The following GRIN2D variants were observed in gnomAD, a reference collection of about 807,000 sequenced individuals.
The protein encoded by GRIN2D is glutamate ionotropic receptor NMDA type subunit 2D.
In GRIN2D, 37 loss-of-function variants were observed where a neutral mutation model predicts 103.2. The ratio of observed to expected loss-of-function variants is 0.36; its 90% CI spans 0.28 to 0.47. The LOEUF (loss-of-function observed/expected upper bound fraction) is 0.47. Among genes scored for constraint, GRIN2D ranks in the 20% least tolerant of loss-of-function variants. The pLI, the probability that GRIN2D is intolerant of heterozygous loss-of-function variation, is 1.00. For synonymous variants in GRIN2D, 845 were observed against 885.6 expected, an observed-to-expected ratio of 0.95 and a Z score of 0.81; for missense variants, 1,557 against 1,910.6, an observed-to-expected ratio of 0.81 and a Z score of 3.45.
intron 4 of GRIN2D, among the ~76,000 whole-genome samples, chr19:48,412,955 G>A (rs1204647479): frequency 4.0e-4 from 57 of 142,818 alleles, no homozygotes; most frequent in Middle Eastern, 8.2e-3. Flanking sequence ...GGCCAACATG[G>A]TGAAACCCCA....
chr19:48,399,135 AT>A (rs1209204691), intron 3 of GRIN2D, among the ~76,000 whole-genome samples: 5 of 152,104 alleles, frequency 3.3e-5, no homozygotes, highest in African/African-American at 1.2e-4. Context: ...ACGTGGGCCC[AT>A]TCATTGCAGG....
intron 8 of GRIN2D, 91 bp downstream of exon 8, chr19:48,416,246 C>T (rs1970947896): frequency 2.7e-6 from 3 of 1,119,724 alleles, no homozygotes; most frequent in East Asian, 4.9e-5. Flanking sequence ...CCTGGGTTCC[C>T]GGTATCATCG....
At chr19:48,412,101 C>T (rs191050708) in intron 4 of GRIN2D, among the ~76,000 whole-genome samples, 52 of 151,410 alleles carry the variant, frequency 3.4e-4, no homozygotes, top group African/African-American at 1.2e-3. Context: ...CCGAGGCAGG[C>T]GGATCACAAG....
At chr19:48,397,275 CA>C (rs1230028589) in intron 2 of GRIN2D, among the ~76,000 whole-genome samples, 1 of 152,040 alleles carries the variant, frequency 6.6e-6, no homozygotes, top group East Asian at 1.9e-4. Context: ...TGGGGTGCCC[CA>C]CTAATTTCTC....
intron 11 of GRIN2D, among the ~76,000 whole-genome samples, chr19:48,423,495 G>T (rs1158051255): frequency 6.6e-6 from 1 of 152,158 alleles, no homozygotes; most frequent in East Asian, 1.9e-4. Context: ...TCACCAGGGT[G>T]TTCAGGGTGG....
intron 11 of GRIN2D, among the ~76,000 whole-genome samples, chr19:48,440,358 CAAGGCGGG>C (rs919621195): frequency 5.1e-4 from 78 of 152,182 alleles, no homozygotes; most frequent in African/African-American, 1.9e-3. Flanking sequence ...TTTGGGTGGC[CAAGGCGGG>C]AAGATCACTT....
At position 48,414,042 on chromosome 19, in the gene GRIN2D, C is replaced by G; in HGVS notation, c.1137C>G (p.Asp379Glu). The change falls in exon 5 of 14, where the codon GAC becomes GAG. Residue 379 changes from aspartate (D) to glutamate (E), a missense_variant. Asp to Glu is a conservative substitution (Grantham distance 45). Coordinates refer to ENST00000263269, the MANE Select transcript of GRIN2D (RefSeq NM_000836.4). The surrounding 1 kb of genome is among the most constrained non-coding windows in gnomAD (Gnocchi z 4.6). ...WDNRDYSFNE[D>E]GFLVNPSLVV... ...ACCGGGATTACTCCTTCAATGAGGACGGCTTCCTAGTGAACCCCTCCCTGG... is the reference window on the plus strand; with the variant it reads ...ACCGGGATTACTCCTTCAATGAGGAGGGCTTCCTAGTGAACCCCTCCCTGG... 1 of 1,613,156 alleles carries G rather than the reference C, an allele frequency of 6.2e-7. No homozygotes were observed.
In GRIN2D at chr19:48,430,809, TTTTTC is replaced by T. The variant is rs374485561; in HGVS notation, c.2252+8869_2252+8873del. Among the ~76,000 whole-genome samples the T allele has an allele frequency of 7.3e-3, 1,038 of 142,182 alleles. 12 individuals are homozygous for T. The highest frequency in any genetic ancestry group is 0.03 in the African/African-American group (980 of 33,064). The allele number at this position is 142,182 out of a possible 152,430, so 93.3% of individuals were successfully genotyped here. On this transcript the variant is annotated intron_variant, in intron 11 of 13. Coordinates refer to ENST00000263269, the MANE Select transcript of GRIN2D (RefSeq NM_000836.4). ...AGTATCAGATACTCTGTTAATTTCT[TTTTTC>T]TTTTTTCTTTTTTTTTTTTTTTTGA... is the stretch of plus-strand genomic sequence containing the variant.
intron 10 of GRIN2D, among the ~76,000 whole-genome samples, chr19:48,420,224 C>A (rs555372880): frequency 6.6e-6 from 1 of 151,328 alleles, no homozygotes; most frequent in African/African-American, 2.4e-5. Context: ...GTCAGGAGAT[C>A]GAGACCATCC....
At position 48,443,841 on chromosome 19, in the gene GRIN2D, G is replaced by A. The variant is rs913036962; in HGVS notation, c.3915G>A (p.Pro1305=). The change falls in exon 14 of 14, where the codon CCG becomes CCA. Residue 1305 remains proline (P), a synonymous_variant. Transcript: ENST00000263269. This position sits in a 1 kb window ranked among gnomAD's most constrained non-coding sequence, Gnocchi z 8.9. ...RRCPHAAHWG[P]PLPTASHRRH... is the part of the protein sequence containing the mutation. The stretch of plus-strand genomic sequence containing the variant: ...GTCCGCACGCCGCGCACTGGGGGCC[G>A]CCGCTGCCCACAGCTTCCCACCGGA... 6 of 1,483,578 alleles carry A rather than the reference G, an allele frequency of 4.0e-6. No homozygotes were observed. In the Admixed American group the frequency reaches 1.1e-4, roughly 28 times the overall value. The allele number at this position is 1,483,578 out of a possible 1,614,324, so 91.9% of individuals were successfully genotyped here.
chr19:48,412,499 C>T (rs547462038), intron 4 of GRIN2D, among the ~76,000 whole-genome samples: 16 of 150,136 alleles, frequency 1.1e-4, no homozygotes, highest in East Asian at 4.0e-4. Context: ...AAGAAAGAGG[C>T]GGGCCAGGCC....
At chr19:48,412,471 AAGAAAGAAAG>A (rs1250581006) in intron 4 of GRIN2D, among the ~76,000 whole-genome samples, 4 of 142,446 alleles carry the variant, frequency 2.8e-5, no homozygotes, top group Admixed American at 7.1e-5. Context: ...GAAAGAAAGA[AAGAAAGAAAG>A]AGAGAGAAAG....
chr19:48,414,755 C>G lies in GRIN2D; in HGVS notation c.1413-109C>G, dbSNP rs948996681. On this transcript the variant is annotated intron_variant, in intron 6 of 13. Coordinates refer to ENST00000263269, the MANE Select transcript of GRIN2D (RefSeq NM_000836.4). The surrounding 1 kb of genome is among the most constrained non-coding windows in gnomAD (Gnocchi z 4.6). ...TTTGAGCCTGAGTTTCCCCTGAAAG[C>G]GCTAACCATAGTTTTAGCTGCCGCC... The G allele has an allele frequency of 2.3e-5, 31 of 1,349,832 alleles. No individual in the cohort carries two copies. Among genetic ancestry groups the G allele is most frequent in the Non-Finnish European group, 3.2e-5 (31 of 975,368 alleles). 83.6% of individuals were successfully genotyped at this position (1,349,832 alleles called of 1,614,324 possible).
At position 48,398,753 on chromosome 19, in the gene GRIN2D, T is replaced by C; in HGVS notation, c.361T>C (p.Ser121Pro). ...RVHGVVFEDD[S>P]RAPAVAPILD... ...GCACGGCGTGGTCTTCGAAGACGAC[T>C]CGCGCGCGCCCGCCGTCGCGCCCAT... Residue 121 changes from serine (S) to proline (P), a missense_variant, in exon 3 of 14, where the codon TCG (serine) becomes CCG (proline). Coordinates refer to ENST00000263269, the MANE Select transcript of GRIN2D (RefSeq NM_000836.4). 1 of 1,465,244 alleles carries C rather than the reference T, an allele frequency of 6.8e-7. No individual in the cohort carries two copies. Among genetic ancestry groups the C allele is most frequent in the Admixed American group, 2.4e-5 (1 of 41,186 alleles). The allele number at this position is 1,465,244 out of a possible 1,614,324, so 90.8% of individuals were successfully genotyped here.
Position 48,416,067 on chromosome 19 carries a change from C to T in GRIN2D, c.1647C>T (p.Ile549=). 6 of 1,613,954 alleles carry T rather than the reference C, an allele frequency of 3.7e-6. No homozygotes were observed. The highest frequency in any genetic ancestry group is 5.1e-6 in the Non-Finnish European group (6 of 1,179,868). ...SLTINEERSE[I]VDFSVPFVET... ...CCATCAACGAGGAGCGCTCCGAGAT[C>T]GTGGACTTCTCCGTCCCCTTCGTGG... The change falls in exon 8 of 14, where the codon ATC becomes ATT. Residue 549 remains isoleucine, a synonymous_variant. Coordinates refer to ENST00000263269, the MANE Select transcript of GRIN2D (RefSeq NM_000836.4).
intron 2 of GRIN2D, 106 bp from the exon 3 acceptor site, chr19:48,398,260 CT>C (rs1310009487): frequency 2.9e-6 from 1 of 342,730 alleles, no homozygotes; most frequent in East Asian, 1.1e-4. Context: ...GCGCCTGTCC[CT>C]CGCTGCATCT....
chr19:48,419,480 G>A, intron 9 of GRIN2D, 105 bp from the exon 10 acceptor site: 6 of 1,379,318 alleles, frequency 4.3e-6, no homozygotes, highest in Middle Eastern at 1.9e-4. Flanking sequence ...GGAGGTGCCA[G>A]ATGCCTTGAG....
rs891928891 is a variant in GRIN2D, at chr19:48,420,945, A to G, written c.2092-840A>G. On this transcript the variant is annotated intron_variant, in intron 10 of 13. Coordinates refer to ENST00000263269, the MANE Select transcript of GRIN2D (RefSeq NM_000836.4). ...CCATTCCTGTACACATCTCACTGCA[A>G]TCACCGTTTGTTGAGGGACTGGTGG... Among the ~76,000 whole-genome samples the G allele has an allele frequency of 6.5e-4, 99 of 152,282 alleles. 1 individual carries two copies. The highest frequency in any genetic ancestry group is 2.3e-3 in the African/African-American group (95 of 41,574).
At chr19:48,423,353 G>A (rs912493430) in intron 11 of GRIN2D, among the ~76,000 whole-genome samples, 4 of 152,148 alleles carry the variant, frequency 2.6e-5, no homozygotes, top group Admixed American at 6.6e-5. Context: ...TCTGCTGTAC[G>A]CTAAGCGGTG....
Sources: allele counts gnomAD v4.1 joint callset (sites outside exome capture counted in the v4.1 genomes callset), GRCh38; gene constraint gnomAD v4.1.1; non-coding constraint Gnocchi (gnomAD v3.1); transcripts MANE v1.5; gene names NCBI Gene and HGNC (gene_info 2026-07-23, HGNC 2026-07-21).